The following UTP20 variants were observed in gnomAD, a reference collection of about 807,000 sequenced individuals.
The protein encoded by UTP20 is small subunit processome component 20 homolog.
UTP20 carries 164 observed loss-of-function variants against 329.5 expected under a neutral mutation model. That is an observed-to-expected ratio of 0.50 (90% CI 0.44 to 0.57). The LOEUF (loss-of-function observed/expected upper bound fraction) is 0.57, where lower values mean the gene tolerates loss of function less well. Among genes scored for constraint, UTP20 ranks in the 20% least tolerant of loss-of-function variants. The pLI is 0.00. For synonymous variants in UTP20, 1,151 were observed against 1,159.3 expected (o/e 0.99, Z 0.14); for missense variants, 3,055 against 3,284.2 (o/e 0.93, Z 1.71).
chr12:101,327,898 C>T (rs982897204), intron 26 of UTP20, among the ~76,000 whole-genome samples: 10 of 151,916 alleles, frequency 6.6e-5, no homozygotes, highest in African/African-American at 2.4e-4. Context: ...GTTGATCCTT[C>T]AGACAATCAA....
Position 101,299,833 on chromosome 12 carries a change from AT to A in UTP20, c.1584del (p.Arg529AspfsTer8), listed in dbSNP as rs772966467. On this transcript the variant is annotated frameshift_variant, in exon 13 of 62. Coordinates refer to ENST00000261637, the MANE Select transcript of UTP20 (RefSeq NM_014503.3). LOFTEE classifies it high-confidence loss of function. ...GGCAGCCCTCGTGGTGTTACCTCATATTAGGTAAGAAAATAAGCTATGTTTA... is the reference window on the plus strand; with the variant it reads ...GGCAGCCCTCGTGGTGTTACCTCATATAGGTAAGAAAATAAGCTATGTTTA... ...SWAALVVLPH[I>X]RPLEKEKVIP... is the part of the protein sequence containing the mutation. The A allele has an allele frequency of 6.2e-7, 1 of 1,603,910 alleles. No homozygotes were observed.
intron 55 of UTP20, 81 bp downstream of exon 55, chr12:101,375,020 C>A: frequency 1.1e-6 from 1 of 948,744 alleles, no homozygotes; most frequent in Non-Finnish European, 1.6e-6. Context: ...TAGATATCAG[C>A]TTATAGGTTA....
At position 101,369,896 on chromosome 12, in the gene UTP20, G is replaced by A; in HGVS notation, c.6555+5G>A. 1.2e-6 allele frequency: 2 copies of A among 1,613,194 alleles called. No individual in the cohort carries two copies. The highest frequency in any genetic ancestry group is 1.3e-5 in the African/African-American group (1 of 74,986). Reference sequence around the variant, plus strand: ...CTTGTGGTCAATTGTTTCAAGGTGAGATGTCTTCACTTGCCCTTGGAAAAA... The same window carrying A: ...CTTGTGGTCAATTGTTTCAAGGTGAAATGTCTTCACTTGCCCTTGGAAAAA... On this transcript the variant is annotated splice_donor_5th_base_variant and intron_variant, in intron 49 of 61. Coordinates refer to ENST00000261637, the MANE Select transcript of UTP20 (RefSeq NM_014503.3).
chr12:101,382,977 A>T, intron 58 of UTP20, 64 bp from the exon 59 acceptor site: 1 of 1,536,544 alleles, frequency 6.5e-7, no homozygotes, highest in Non-Finnish European at 8.7e-7. Flanking sequence ...CTTATGCTCT[A>T]CTAAGCCTTA....
chr12:101,290,804 T>A lies in UTP20; in HGVS notation c.807T>A (p.Ile269=). 3 of 1,613,990 alleles carry A rather than the reference T, an allele frequency of 1.9e-6. No homozygotes were observed. The highest frequency in any genetic ancestry group is 2.5e-6 in the Non-Finnish European group (3 of 1,179,934). The part of the protein sequence containing the change: ...ETETQLPWML[I]GETLKNMVKS... Reference sequence around the variant, plus strand: ...AAACTCAACTACCATGGATGTTAATTGGAGAAACACTCAAAAACATGGTCA... The same window carrying A: ...AAACTCAACTACCATGGATGTTAATAGGAGAAACACTCAAAAACATGGTCA... Residue 269 remains isoleucine (I), a synonymous_variant, in exon 8 of 62, where the codon ATT becomes ATA. Coordinates refer to ENST00000261637, the MANE Select transcript of UTP20 (RefSeq NM_014503.3).
intron 12 of UTP20, among the ~76,000 whole-genome samples, chr12:101,299,347 G>A (rs1436876235): frequency 1.3e-5 from 2 of 152,180 alleles, no homozygotes; most frequent in Non-Finnish European, 2.9e-5. Context: ...AAAAAGGAAA[G>A]GGAGAATGGA....
At position 101,381,163 on chromosome 12, in the gene UTP20, T is replaced by C. The variant is rs1057058724; in HGVS notation, c.7608T>C (p.Ser2536=). The C allele has an allele frequency of 6.2e-7, 1 of 1,613,906 alleles. No individual in the cohort carries two copies. The highest frequency in any genetic ancestry group is 1.3e-5 in the African/African-American group (1 of 74,944). The change falls in exon 58 of 62, where the codon TCT becomes TCC. Residue 2536 remains serine (S), a synonymous_variant. Transcript: ENST00000261637. ...AGATGAAAAGTATCTCTCTCGCCTC[T>C]TGCCATCAATTGCATTCCAAATTCT... ...DQKMKSISLA[S]CHQLHSKFLD... is the part of the protein sequence containing the mutation.
chr12:101,313,909 T>C (rs555849835), intron 21 of UTP20, among the ~76,000 whole-genome samples: 2 of 152,306 alleles, frequency 1.3e-5, no homozygotes, highest in East Asian at 3.9e-4. Context: ...TTTAGGACAC[T>C]GAATAAATAA....
intron 42 of UTP20, 48 bp from the exon 43 acceptor site, chr12:101,356,878 T>C: frequency 6.4e-7 from 1 of 1,568,308 alleles, no homozygotes; most frequent in Non-Finnish European, 8.7e-7. Context: ...GTATGTTTAA[T>C]TGCTTCTGTT....
chr12:101,379,219 C>G, intron 56 of UTP20, 152 bp from the exon 57 acceptor site: 1 of 597,738 alleles, frequency 1.7e-6, no homozygotes. Context: ...TCTTTTCATC[C>G]CCTGCCCCCA....
At position 101,280,120 on chromosome 12, in the gene UTP20, T is replaced by C; in HGVS notation, c.-163T>C. 1.2e-6 allele frequency: 1 copy of C among 867,688 alleles called. No individual in the cohort carries two copies. The highest frequency in any genetic ancestry group is 1.7e-6 in the Non-Finnish European group (1 of 571,816). The allele number at this position is 867,688 out of a possible 1,614,324, so 53.7% of individuals were successfully genotyped here. A position where few individuals can be genotyped will look rare whatever the true frequency, so the allele number is the denominator to read the frequency against. On this transcript the variant is annotated 5_prime_UTR_variant, in exon 1 of 62. Coordinates refer to ENST00000261637, the MANE Select transcript of UTP20 (RefSeq NM_014503.3). ...CACGTGACCCACTCAGGCTCCTCCT[T>C]GTCTCCAACATGGCGGCGCCCAGGG...
At chr12:101,300,623 A>G (rs982066972) in intron 14 of UTP20, among the ~76,000 whole-genome samples, 1 of 152,148 alleles carries the variant, frequency 6.6e-6, no homozygotes, top group African/African-American at 2.4e-5. Context: ...TTCCTATTAG[A>G]TATTTATATG....
intron 48 of UTP20, among the ~76,000 whole-genome samples, chr12:101,368,875 G>A (rs1340837469): frequency 1.3e-5 from 2 of 151,176 alleles, no homozygotes; most frequent in African/African-American, 4.9e-5. Flanking sequence ...AGGTCTTTCC[G>A]ACTCCCAAGC....
intron 19 of UTP20, among the ~76,000 whole-genome samples, chr12:101,310,208 A>C (rs1872742630): frequency 6.6e-6 from 1 of 152,102 alleles, no homozygotes; most frequent in African/African-American, 2.4e-5. Flanking sequence ...AAAAATAAAG[A>C]CTTTTTCAAA....
In UTP20 at chr12:101,317,635, A is replaced by C. The variant is rs1873017054; in HGVS notation, c.2710A>C (p.Lys904Gln). The C allele has an allele frequency of 1.9e-6, 3 of 1,613,026 alleles. No homozygotes were observed. The change falls in exon 22 of 62, where the codon AAG becomes CAG. Residue 904 changes from lysine (K) to glutamine (Q), a missense_variant. By Grantham distance (53) the Lys-to-Gln change is moderately conservative. Around this residue, in one of 3 missense-constraint regions of UTP20, gnomAD observed 2,445 missense variants for 2,575.5 expected, o/e 0.95. Coordinates refer to ENST00000261637, the MANE Select transcript of UTP20 (RefSeq NM_014503.3). ...EAVPQDESSQ[K>Q]KKTRRAAAKQ... ...AGTGCCCCAAGATGAATCCTCACAGAAGAAAAAGACGAGGAGAGCTGCAGC... is the reference window on the plus strand; with the variant it reads ...AGTGCCCCAAGATGAATCCTCACAGCAGAAAAAGACGAGGAGAGCTGCAGC...
At chr12:101,375,780 A>T in intron 56 of UTP20, 24 bp downstream of exon 56, 2 of 1,422,712 alleles carry the variant, frequency 1.4e-6, no homozygotes, top group South Asian at 1.2e-5. Flanking sequence ...TTTTTATTTA[A>T]ATCAAACACA....
At chr12:101,327,960 T>C (rs1423566153) in intron 26 of UTP20, among the ~76,000 whole-genome samples, 1 of 152,178 alleles carries the variant, frequency 6.6e-6, no homozygotes, top group African/African-American at 2.4e-5. Context: ...TGGGGAAACT[T>C]AGGCTTAGAA....
At chr12:101,370,661 C>G (rs1870255486) in intron 50 of UTP20, 98 bp downstream of exon 50, 1 of 1,252,544 alleles carries the variant, frequency 8.0e-7, no homozygotes, top group Admixed American at 2.5e-5. Context: ...TCATAGACTT[C>G]TGAAATTGAG....
intron 14 of UTP20, 58 bp from the exon 15 acceptor site, chr12:101,302,390 A>G (rs191359915): frequency 6.8e-6 from 7 of 1,026,466 alleles, no homozygotes; most frequent in Middle Eastern, 2.1e-4. Flanking sequence ...AAGGTGTTTG[A>G]TAGTTAATAA....
Sources: allele counts gnomAD v4.1 joint callset (sites outside exome capture counted in the v4.1 genomes callset), GRCh38; gene constraint gnomAD v4.1.1; regional missense constraint gnomAD v4.1.1; transcripts MANE v1.5; gene names NCBI Gene and HGNC (gene_info 2026-07-23, HGNC 2026-07-21).